The following CPAP variants were observed in gnomAD, a reference collection of about 807,000 sequenced individuals.
CPAP encodes the protein centrosome assembly and centriole elongation protein, also known as centrosomal P4.1-associated protein.
chr13:24,923,997 T>TTTTTTA, the CPAP span, among the ~76,000 whole-genome samples: 1 of 152,036 alleles, frequency 6.6e-6, no homozygotes, highest in Admixed American at 6.6e-5. Context: ...CCTGGCTAAT[T>TTTTTTA]TTTTTATTTT....
chr13:24,890,001 A>G, the CPAP span, among the ~76,000 whole-genome samples: 1 of 152,160 alleles, frequency 6.6e-6, no homozygotes, highest in South Asian at 2.1e-4. Flanking sequence ...TGTCATTATC[A>G]ATACTATCAA....
chr13:24,912,473 G>A, the CPAP span: 1 of 921,628 alleles, frequency 1.1e-6, no homozygotes, highest in South Asian at 1.5e-5. Context: ...GTATTCTGAG[G>A]ATTTCAGAGT....
At chr13:24,906,767 G>A in the CPAP span, 1 of 1,614,178 alleles carries the variant, frequency 6.2e-7, no homozygotes, top group South Asian at 1.1e-5. Flanking sequence ...TTTAAGAGCG[G>A]TTTTCCGCTG....
At chr13:24,933,828 A>G in the CPAP span, among the ~76,000 whole-genome samples, 1 of 151,916 alleles carries the variant, frequency 6.6e-6, no homozygotes. Flanking sequence ...GAGTTCAAGC[A>G]ATTCTCCTGC....
At chr13:24,907,106 C>T in the CPAP span, 15 of 1,613,646 alleles carry the variant, frequency 9.3e-6, no homozygotes, top group Middle Eastern at 5.0e-4. Flanking sequence ...GCTGTTTTTG[C>T]TTCAGTTCTT....
At chr13:24,905,594 T>C in the CPAP span, 1 of 1,614,214 alleles carries the variant, frequency 6.2e-7, no homozygotes, top group Non-Finnish European at 8.5e-7. Flanking sequence ...AGTGGATTCA[T>C]TCCCAAGAAC....
At chr13:24,899,595 C>A in the CPAP span, 2 of 1,609,906 alleles carry the variant, frequency 1.2e-6, no homozygotes, top group Non-Finnish European at 8.5e-7. Context: ...CTAAAATGAC[C>A]AAACTATGTT....
At chr13:24,882,673 TG>T in the CPAP span, 1 of 157,038 alleles carries the variant, frequency 6.4e-6, no homozygotes, top group Non-Finnish European at 1.4e-5. Flanking sequence ...CATCCACTGT[TG>T]TAACTTCCCA....
the CPAP span, among the ~76,000 whole-genome samples, chr13:24,893,122 G>A: frequency 1.3e-5 from 2 of 152,140 alleles, no homozygotes; most frequent in Non-Finnish European, 2.9e-5. Flanking sequence ...GGAGCTGACA[G>A]CAGAAAACTG....
the CPAP span, chr13:24,884,577 C>T: frequency 2.0e-6 from 2 of 999,324 alleles, no homozygotes; most frequent in African/African-American, 1.6e-5. Context: ...AAAACATTCC[C>T]TCAAAAGATC....
At chr13:24,918,604 G>C in the CPAP span, among the ~76,000 whole-genome samples, 1 of 152,012 alleles carries the variant, frequency 6.6e-6, no homozygotes, top group East Asian at 1.9e-4. Context: ...GAAAAGTTAA[G>C]AAAATAATAA....
the CPAP span, chr13:24,882,769 C>A: frequency 5.3e-6 from 1 of 188,692 alleles, no homozygotes; most frequent in Non-Finnish European, 1.1e-5. Flanking sequence ...ATTTTGGCTA[C>A]AGAGACACGT....
chr13:24,907,660 T>G, the CPAP span, among the ~76,000 whole-genome samples: 1 of 152,164 alleles, frequency 6.6e-6, no homozygotes, highest in Non-Finnish European at 1.5e-5. Flanking sequence ...ATTTTAAAAT[T>G]CTGTAACTAA....
chr13:24,932,419 C>T, the CPAP span, among the ~76,000 whole-genome samples: 2 of 152,210 alleles, frequency 1.3e-5, no homozygotes, highest in Non-Finnish European at 2.9e-5. Context: ...GAGGTTGCAA[C>T]CAGCTGAGAT....
At chr13:24,900,726 G>C in the CPAP span, among the ~76,000 whole-genome samples, 3 of 152,198 alleles carry the variant, frequency 2.0e-5, no homozygotes, top group Admixed American at 6.5e-5. Flanking sequence ...GCACAGACGC[G>C]GGCAGCAGAG....
At chr13:24,896,455 T>A in the CPAP span, among the ~76,000 whole-genome samples, 1 of 152,310 alleles carries the variant, frequency 6.6e-6, no homozygotes, top group Non-Finnish European at 1.5e-5. Context: ...ATGTAGCTAA[T>A]GGGAATGAGA....
chr13:24,905,166 A>G, the CPAP span, among the ~76,000 whole-genome samples: 1 of 152,208 alleles, frequency 6.6e-6, no homozygotes, highest in African/African-American at 2.4e-5. Flanking sequence ...TTAAAAACTA[A>G]TTAATTTTAA....
At chr13:24,889,971 C>T in the CPAP span, among the ~76,000 whole-genome samples, 2 of 152,122 alleles carry the variant, frequency 1.3e-5, no homozygotes, top group Non-Finnish European at 2.9e-5. Context: ...CTCCACACCC[C>T]AATGGTCAAC....
the CPAP span, chr13:24,906,300 A>G: frequency 1.9e-6 from 3 of 1,601,062 alleles, no homozygotes; most frequent in Non-Finnish European, 2.5e-6. Flanking sequence ...TGTTCTAAAA[A>G]CAAAAATTCA....
Sources: gnomAD v4.1 joint callset for allele counts (sites outside exome capture counted in the v4.1 genomes callset) on GRCh38, gnomAD v4.1.1 for gene constraint, MANE v1.5 for transcripts, NCBI Gene and HGNC (gene_info 2026-07-23, HGNC 2026-07-21) for gene names.